The following OTOF variants were observed in gnomAD, a reference collection of about 807,000 sequenced individuals.
OTOF encodes the protein otoferlin.
A neutral mutation model predicts 236.8 loss-of-function variants in OTOF; 218 were observed. That is an observed-to-expected ratio of 0.92 (90% CI 0.82 to 1.03). OTOF has a LOEUF of 1.03. OTOF is among the 50% of genes least tolerant of loss of function. The pLI is 0.00. For missense variants in OTOF, 2,590 were observed against 2,694.4 expected (o/e 0.96, Z 0.86); for synonymous variants, 1,041 against 1,072.5 (o/e 0.97, Z 0.57).
chr2:26,480,382 C>T (rs1161480562), intron 15 of OTOF, 71 bp from the exon 16 acceptor site: 19 of 941,988 alleles, frequency 2.0e-5, no homozygotes, highest in African/African-American at 4.8e-5. Flanking sequence ...GGCCTCCTTC[C>T]GTCTCACAGA....
chr2:26,520,003 G>A (rs1054096892), intron 3 of OTOF, among the ~76,000 whole-genome samples: 3 of 152,186 alleles, frequency 2.0e-5, no homozygotes, highest in African/African-American at 7.2e-5. Context: ...CTCAATATCT[G>A]CTGGCTGAAT....
At position 26,482,457 on chromosome 2, in the gene OTOF, T is replaced by A. The variant is rs1414964859; in HGVS notation, c.1528A>T (p.Ile510Phe). 6.2e-7 allele frequency: 1 copy of A among 1,613,374 alleles called. No individual in the cohort carries two copies. The highest frequency in any genetic ancestry group is 1.1e-5 in the South Asian group (1 of 91,084). Residue 510 changes from isoleucine to phenylalanine, a missense_variant, in exon 14 of 47, where the codon ATC becomes TTC. By Grantham distance (21) the Ile-to-Phe change is conservative. Coordinates refer to ENST00000272371, the MANE Select transcript of OTOF (RefSeq NM_194248.3). The part of the protein sequence containing the change: ...RDSDKVNDVA[I>F]GTHFIDLRKI... ...CGCAGGTCAATGAAGTGGGTGCCGA[T>A]GGCCACGTCGTTGACCTTGTCCGAG...
chr2:26,537,632 G>C (rs1467282069), intron 2 of OTOF, 84 bp downstream of exon 2: 1 of 1,032,980 alleles, frequency 9.7e-7, no homozygotes, highest in Non-Finnish European at 1.5e-6. Context: ...TTTGGGGCCA[G>C]TGTGTGCCCG....
At chr2:26,529,193 T>C (rs938233289) in intron 2 of OTOF, among the ~76,000 whole-genome samples, 2 of 152,184 alleles carry the variant, frequency 1.3e-5, no homozygotes, top group Non-Finnish European at 2.9e-5. Context: ...GAAGCCCTTC[T>C]GGACAGGACC....
chr2:26,556,291 G>A (rs1156545665), intron 1 of OTOF, among the ~76,000 whole-genome samples: 1 of 152,216 alleles, frequency 6.6e-6, no homozygotes, highest in Non-Finnish European at 1.5e-5. Flanking sequence ...GAGATGCTAA[G>A]GAACATTGTA....
Position 26,460,604 on chromosome 2 carries a change from C to G in OTOF, c.5813+43G>C. On this transcript the variant is annotated intron_variant, in intron 45 of 46. Coordinates refer to ENST00000272371, the MANE Select transcript of OTOF (RefSeq NM_194248.3). This position sits in a 1 kb window ranked among gnomAD's most constrained non-coding sequence, Gnocchi z 5.3. ...CGTCTCCTTCCTGTTCCAGCGCCTCCAAGAGCCAGAGTGGGGAGGGGCTGG... is the reference window on the plus strand; with the variant it reads ...CGTCTCCTTCCTGTTCCAGCGCCTCGAAGAGCCAGAGTGGGGAGGGGCTGG... 1 of 1,506,376 alleles carries G rather than the reference C, an allele frequency of 6.6e-7. No homozygotes were observed. Among genetic ancestry groups the G allele is most frequent in the Non-Finnish European group, 9.2e-7 (1 of 1,083,610 alleles). 93.3% of individuals were successfully genotyped at this position (1,506,376 alleles called of 1,614,324 possible).
At position 26,473,086 on chromosome 2, in the gene OTOF, G is replaced by C. The variant is rs1173593897; in HGVS notation, c.3733+46C>G. ...GGGCGGAGACCTGGAGCCCTTCCCT[G>C]GGGGGCGTGGAGCCAGGCTTGGTGG... is the stretch of plus-strand genomic sequence containing the variant. On this transcript the variant is annotated intron_variant, in intron 29 of 46. Coordinates refer to ENST00000272371, the MANE Select transcript of OTOF (RefSeq NM_194248.3). This position sits in a 1 kb window ranked among gnomAD's most constrained non-coding sequence, Gnocchi z 7.2. The C allele has an allele frequency of 1.3e-6, 2 of 1,581,258 alleles. No individual in the cohort carries two copies. The highest frequency in any genetic ancestry group is 1.7e-6 in the Non-Finnish European group (2 of 1,157,528).
chr2:26,484,497 C>T lies in OTOF; in HGVS notation c.1182G>A (p.Glu394=). Residue 394 remains glutamate (E), a synonymous_variant, in exon 12 of 47, where the codon GAG becomes GAA. Coordinates refer to ENST00000272371, the MANE Select transcript of OTOF (RefSeq NM_194248.3). ...DNIKTPHKAN[E]TDEDDIEGNL... ...ACCCCTCAATGTCATCTTCGTCGGTCTCATTGGCCTTGTGGGGCGTCTTGA... is the reference window on the plus strand; with the variant it reads ...ACCCCTCAATGTCATCTTCGTCGGTTTCATTGGCCTTGTGGGGCGTCTTGA... 6.2e-7 allele frequency: 1 copy of T among 1,614,060 alleles called. No individual in the cohort carries two copies. The highest frequency in any genetic ancestry group is 1.1e-5 in the South Asian group (1 of 91,086).
At chr2:26,479,882 G>A (rs1003315639) in intron 16 of OTOF, among the ~76,000 whole-genome samples, 1 of 152,250 alleles carries the variant, frequency 6.6e-6, no homozygotes, top group Non-Finnish European at 1.5e-5. Flanking sequence ...GGCCCAGGCT[G>A]TGGCCTGAGT....
At chr2:26,526,035 C>T (rs1226877900) in intron 3 of OTOF, among the ~76,000 whole-genome samples, 3 of 140,160 alleles carry the variant, frequency 2.1e-5, no homozygotes, top group African/African-American at 8.4e-5. Context: ...TGCAGTGAGC[C>T]GAGATCAGGC....
intron 23 of OTOF, 31 bp from the exon 24 acceptor site, chr2:26,476,069 A>G: frequency 6.2e-7 from 1 of 1,612,134 alleles, no homozygotes; most frequent in Non-Finnish European, 8.5e-7. Context: ...AGGTTCCAGG[A>G]TGGGCAGCCC....
chr2:26,503,550 G>C (rs1572457231), intron 6 of OTOF, among the ~76,000 whole-genome samples: 1 of 152,270 alleles, frequency 6.6e-6, no homozygotes, highest in East Asian at 1.9e-4. Context: ...ACGAGGGCGG[G>C]AGGAGCCTTG....
At chr2:26,497,390 C>T (rs1345251003) in intron 8 of OTOF, among the ~76,000 whole-genome samples, 5 of 152,158 alleles carry the variant, frequency 3.3e-5, no homozygotes, top group Non-Finnish European at 5.9e-5. Flanking sequence ...CCACTGAGCC[C>T]GGCACATTCT....
In OTOF at chr2:26,477,465, G is replaced by T. The variant is rs1200860338; in HGVS notation, c.2357C>A (p.Ser786Tyr). 6 of 1,603,682 alleles carry T rather than the reference G, an allele frequency of 3.7e-6. No homozygotes were observed. Among genetic ancestry groups the T allele is most frequent in the African/African-American group, 1.3e-5 (1 of 74,812 alleles). ...GCGCTCCCGGTCAAGCCTGGTGCGG[G>T]ATGAGTGGCCCTGGTCCTTGTCAGC... is the stretch of plus-strand genomic sequence containing the variant. ...SLADKDQGHS[S>Y]RTRLDRERLK... The change falls in exon 20 of 47, where the codon TCC (serine) becomes TAC (tyrosine). Residue 786 changes from serine (S) to tyrosine (Y), a missense_variant. Ser to Tyr is a moderately radical substitution (Grantham distance 144). This residue lies in a region of OTOF where 1,379 missense variants were observed against 1,341.6 expected (regional missense o/e 1.03). Coordinates refer to ENST00000272371, the MANE Select transcript of OTOF (RefSeq NM_194248.3). The surrounding 1 kb of genome is among the most constrained non-coding windows in gnomAD (Gnocchi z 4.7).
At chr2:26,501,874 G>T in intron 7 of OTOF, 66 bp from the exon 8 acceptor site, 1 of 1,163,550 alleles carries the variant, frequency 8.6e-7, no homozygotes, top group Non-Finnish European at 1.3e-6. Flanking sequence ...GAGGACACTG[G>T]CAGTGGTTAG....
intron 1 of OTOF, among the ~76,000 whole-genome samples, chr2:26,552,415 A>G (rs1264943128): frequency 6.6e-6 from 1 of 152,158 alleles, no homozygotes; most frequent in Non-Finnish European, 1.5e-5. Context: ...AGTGGGTGCG[A>G]GAGATGTGGC....
chr2:26,472,699 A>C, intron 29 of OTOF, 50 bp from the exon 30 acceptor site: 1 of 1,600,766 alleles, frequency 6.2e-7, no homozygotes, highest in Non-Finnish European at 8.5e-7. Context: ...AGCAAGAGGA[A>C]CAGTGAGATT....
At chr2:26,484,673 A>C in intron 11 of OTOF, 40 bp from the exon 12 acceptor site, 3 of 1,607,754 alleles carry the variant, frequency 1.9e-6, no homozygotes, top group Non-Finnish European at 2.6e-6. Context: ...AGACACCCCC[A>C]CCCAGAGCGT....
intron 2 of OTOF, among the ~76,000 whole-genome samples, chr2:26,533,637 A>G (rs1029764596): frequency 6.6e-6 from 1 of 152,156 alleles, no homozygotes; most frequent in Non-Finnish European, 1.5e-5. Flanking sequence ...AAGTCCCTTT[A>G]GGTGATCTCA....
Sources: gnomAD v4.1 joint callset for allele counts (sites outside exome capture counted in the v4.1 genomes callset) on GRCh38, gnomAD v4.1.1 for gene constraint, gnomAD v4.1.1 regional missense constraint, Gnocchi (gnomAD v3.1) non-coding constraint, MANE v1.5 for transcripts, NCBI Gene and HGNC (gene_info 2026-07-23, HGNC 2026-07-21) for gene names.